The following COL18A1 variants were observed in gnomAD, a reference collection of about 807,000 sequenced individuals.
COL18A1 encodes the protein collagen alpha-1(XVIII) chain.
In COL18A1, 133 loss-of-function variants were observed where a neutral mutation model predicts 168.0. The ratio of observed to expected loss-of-function variants is 0.79; its 90% CI spans 0.69 to 0.91. The LOEUF is 0.91. Ranked by LOEUF, COL18A1 falls within the 40% of genes least tolerant of loss-of-function variation. The probability of loss-of-function intolerance (pLI) is 0.00; values close to 1 mark genes in which losing one functional copy is unlikely to be tolerated. For synonymous variants in COL18A1, 949 were observed against 809.0 expected (o/e 1.17, Z -2.94); for missense variants, 2,126 against 1,925.4 (o/e 1.10, Z -1.95).
chr21:45,458,026 C>T (rs964091420), intron 2 of COL18A1, among the ~76,000 whole-genome samples: 2 of 151,280 alleles, frequency 1.3e-5, no homozygotes, highest in Non-Finnish European at 2.9e-5. Context: ...GGCCGGGGGG[C>T]CACAGACAGG....
Position 45,431,318 on chromosome 21 carries a change from T to C in COL18A1, c.106+25845T>C, listed in dbSNP as rs534336661. On this transcript the variant is annotated intron_variant, in intron 2 of 41. Transcript: ENST00000651438. The stretch of plus-strand genomic sequence containing the variant: ...TGCTGTGTGCAGGGCCAGTGCTGGC[T>C]GCAGAGACAGCGGAGCGTGTGTGGA... 3.7e-3 allele frequency among the ~76,000 whole-genome samples: 540 copies of C among 144,390 alleles called. 4 individuals carry two copies. The highest frequency in any genetic ancestry group is 0.014 in the African/African-American group (512 of 37,784). 94.7% of individuals were successfully genotyped at this position (144,390 alleles called of 152,430 possible). A position where few individuals can be genotyped will look rare whatever the true frequency, so the allele number is the denominator to read the frequency against.
chr21:45,436,105 C>T (rs970984525), intron 2 of COL18A1, among the ~76,000 whole-genome samples: 2 of 152,202 alleles, frequency 1.3e-5, no homozygotes, highest in Admixed American at 6.5e-5. Context: ...AGACAGTATC[C>T]TCTGTGAGCA....
Position 45,504,059 on chromosome 21 carries a change from G to C in COL18A1, c.2727+5G>C. ...CAGTTGGAGGCTGAAATGAAGGTGGGTGACCTCCCTGTGGGGTTGGGGGCC... is the reference window on the plus strand; with the variant it reads ...CAGTTGGAGGCTGAAATGAAGGTGGCTGACCTCCCTGTGGGGTTGGGGGCC... On this transcript the variant is annotated splice_donor_5th_base_variant and intron_variant, in intron 33 of 41. Transcript: ENST00000651438. 1 of 1,613,606 alleles carries C rather than the reference G, an allele frequency of 6.2e-7. No homozygotes were observed. The highest frequency in any genetic ancestry group is 2.2e-5 in the East Asian group (1 of 44,864).
At chr21:45,437,386 ACT>A (rs146821801) in intron 2 of COL18A1, among the ~76,000 whole-genome samples, 2,324 of 107,140 alleles carry the variant, frequency 0.022, 119 homozygotes, top group Non-Finnish European at 0.034. Context: ...ACACACAGGC[ACT>A]CTCCTGCACA....
rs114894498 is a variant in COL18A1, at chr21:45,452,161, G to A, written c.107-16081G>A. Among the ~76,000 whole-genome samples, 541 of 152,372 alleles carry A rather than the reference G, an allele frequency of 3.6e-3. 2 individuals carry two copies. Among genetic ancestry groups the A allele is most frequent in the African/African-American group, 0.012 (518 of 41,592 alleles). ...TCTGGGCACCCAGATCCTGGAACGAGCCACAGTCGGGCCCTTTACACAGAG... is the reference window on the plus strand; with the variant it reads ...TCTGGGCACCCAGATCCTGGAACGAACCACAGTCGGGCCCTTTACACAGAG... On this transcript the variant is annotated intron_variant, in intron 2 of 41. Coordinates refer to ENST00000651438, the MANE Select transcript of COL18A1 (RefSeq NM_001379500.1).
intron 2 of COL18A1, chr21:45,456,300 T>TC: frequency 6.4e-7 from 1 of 1,557,172 alleles, no homozygotes; most frequent in Non-Finnish European, 8.7e-7. Flanking sequence ...CGCCCTGACG[T>TC]CCGCCTGCGC....
At chr21:45,508,529 G>A (rs551959195) in intron 38 of COL18A1, among the ~76,000 whole-genome samples, 44 of 152,184 alleles carry the variant, frequency 2.9e-4, no homozygotes, top group Non-Finnish European at 4.7e-4. Context: ...TGGATGGGTG[G>A]GTGGATGGAT....
In COL18A1 at chr21:45,451,125, G is replaced by A. The variant is rs540338932; in HGVS notation, c.107-17117G>A. Among the ~76,000 whole-genome samples, 11 of 152,376 alleles carry A rather than the reference G, an allele frequency of 7.2e-5. No individual in the cohort carries two copies. The South Asian group carries it at 2.1e-3, about 29-fold the overall frequency. On this transcript the variant is annotated intron_variant, in intron 2 of 41. Transcript: ENST00000651438. Reference sequence around the variant, plus strand: ...CCTCAGGCTCCTCAGGAGCGGGCAGGTCATGATAACAAGAGTGGCTGCGTG... The same window carrying A: ...CCTCAGGCTCCTCAGGAGCGGGCAGATCATGATAACAAGAGTGGCTGCGTG...
Position 45,468,477 on chromosome 21 carries a change from G to C in COL18A1, c.342G>C (p.Ser114=). Residue 114 remains serine, a synonymous_variant, in exon 3 of 42, where the codon TCG becomes TCC. Coordinates refer to ENST00000651438, the MANE Select transcript of COL18A1 (RefSeq NM_001379500.1). Reference sequence around the variant, plus strand: ...GGGTGCTGTTCGCCATCACGGACTCGGCGCAGGCCATGGTCTTGCTGGGCG... The same window carrying C: ...GGGTGCTGTTCGCCATCACGGACTCCGCGCAGGCCATGGTCTTGCTGGGCG... ...GPGVLFAITD[S]AQAMVLLGVK... is the part of the protein sequence containing the mutation. 1 of 1,614,052 alleles carries C rather than the reference G, an allele frequency of 6.2e-7. No individual in the cohort carries two copies. The highest frequency in any genetic ancestry group is 8.5e-7 in the Non-Finnish European group (1 of 1,180,038).
At position 45,489,557 on chromosome 21, in the gene COL18A1, G is replaced by A. The variant is rs767306879; in HGVS notation, c.1959+36G>A. On this transcript the variant is annotated intron_variant, in intron 19 of 41. Transcript: ENST00000651438. Reference sequence around the variant, plus strand: ...TGCCCGGGTTCAGGGACGTGGCCAGGCAGAGGCAGGGAGGGCCCAGCCGGA... The same window carrying A: ...TGCCCGGGTTCAGGGACGTGGCCAGACAGAGGCAGGGAGGGCCCAGCCGGA... The A allele has an allele frequency of 1.5e-5, 23 of 1,516,900 alleles. No homozygotes were observed. In the East Asian group the frequency reaches 4.7e-4, roughly 31 times the overall value. 94.0% of individuals were successfully genotyped at this position (1,516,900 alleles called of 1,614,324 possible).
At chr21:45,476,671 A>G (rs1024959929) in intron 6 of COL18A1, among the ~76,000 whole-genome samples, 191 bp downstream of exon 6, 7 of 147,472 alleles carry the variant, frequency 4.7e-5, no homozygotes, top group African/African-American at 1.8e-4. Context: ...GTGGTGTGTG[A>G]TGTGCATGTT....
chr21:45,507,077 C>T (rs1350869709), intron 37 of COL18A1: 4 of 341,404 alleles, frequency 1.2e-5, no homozygotes, highest in South Asian at 7.7e-5. Context: ...GGGCTGGGTG[C>T]TGGGCAGGGA....
At chr21:45,472,517 C>T (rs2145904469) in intron 3 of COL18A1, among the ~76,000 whole-genome samples, 1 of 152,312 alleles carries the variant, frequency 6.6e-6, no homozygotes, top group East Asian at 1.9e-4. Context: ...GGCCGAAGCG[C>T]AGTTTTCTAG....
intron 29 of COL18A1, 44 bp from the exon 30 acceptor site, chr21:45,496,456 G>C (rs2036546569): frequency 1.2e-6 from 1 of 866,650 alleles, no homozygotes; most frequent in African/African-American, 1.6e-5. Context: ...GCTGCTGCCT[G>C]ACAGGCAGGC....
In COL18A1 at chr21:45,505,451, G is replaced by C. The variant is rs773769675; in HGVS notation, c.3087+20G>C. ...TCAGGGGTAAGTGTCTGGGCAGCCG[G>C]CTGGGCACCTGCGTCCCGTGCCCTG... is the stretch of plus-strand genomic sequence containing the variant. On this transcript the variant is annotated intron_variant, in intron 36 of 41. Coordinates refer to ENST00000651438, the MANE Select transcript of COL18A1 (RefSeq NM_001379500.1). The C allele has an allele frequency of 7.2e-7, 1 of 1,391,312 alleles. No homozygotes were observed. Among genetic ancestry groups the C allele is most frequent in the Non-Finnish European group, 1.0e-6 (1 of 997,288 alleles). 86.2% of individuals were successfully genotyped at this position (1,391,312 alleles called of 1,614,324 possible).
At position 45,494,358 on chromosome 21, in the gene COL18A1, C is replaced by T. The variant is rs1008218072; in HGVS notation, c.2353-187C>T. The T allele has an allele frequency of 2.6e-4, 204 of 779,442 alleles. 3 individuals carry two copies. In the South Asian group the frequency reaches 3.1e-3, roughly 12 times the overall value. 48.3% of individuals were successfully genotyped at this position (779,442 alleles called of 1,614,324 possible). A position where few individuals can be genotyped will look rare whatever the true frequency, so the allele number is the denominator to read the frequency against. On this transcript the variant is annotated intron_variant, in intron 26 of 41. Transcript: ENST00000651438. ...TCCCCTCACCAGTGGCTCCTGTCCT[C>T]CCCAGGGCTGCCTGCGCCTTGGGGA...
Position 45,493,220 on chromosome 21 carries a change from C to T in COL18A1, c.2272C>T (p.Pro758Ser), listed in dbSNP as rs2145993816. 7 of 1,558,356 alleles carry T rather than the reference C, an allele frequency of 4.5e-6. No individual in the cohort carries two copies. The highest frequency in any genetic ancestry group is 6.1e-6 in the Non-Finnish European group (7 of 1,151,010). ...TAAGGGCGAACGAGGCTCCCCGGGACCCAAGGTAAGGGGCTCAGGTGCTGT... is the reference window on the plus strand; with the variant it reads ...TAAGGGCGAACGAGGCTCCCCGGGATCCAAGGTAAGGGGCTCAGGTGCTGT... ...GSKGERGSPGPKGEKGEPGSI... is the reference protein window; with the variant it reads ...GSKGERGSPGSKGEKGEPGSI... Residue 758 changes from proline (P) to serine (S), a missense_variant, in exon 25 of 42, where the codon CCC becomes TCC. Transcript: ENST00000651438.
In COL18A1 at chr21:45,468,512, CTG is replaced by C. The variant is rs2035298382; in HGVS notation, c.378_379del (p.Val128AlafsTer53). 6.2e-7 allele frequency: 1 copy of C among 1,613,638 alleles called. No homozygotes were observed. Among genetic ancestry groups the C allele is most frequent in the Non-Finnish European group, 8.5e-7 (1 of 1,179,986 alleles). ...ATGGTCTTGCTGGGCGTGAAGCTCT[CTG>C]GGGTGCAGGACGGGCACCAGGACAT... On this transcript the variant is annotated frameshift_variant, in exon 3 of 42. Coordinates refer to ENST00000651438, the MANE Select transcript of COL18A1 (RefSeq NM_001379500.1). LOFTEE classifies it high-confidence loss of function.
chr21:45,427,351 C>G (rs117627310), intron 2 of COL18A1, among the ~76,000 whole-genome samples: 1 of 152,176 alleles, frequency 6.6e-6, no homozygotes, highest in East Asian at 1.9e-4. Flanking sequence ...GGCATTGAAT[C>G]AGGAGGCCAG....
Sources: gnomAD v4.1 joint callset for allele counts (sites outside exome capture counted in the v4.1 genomes callset) on GRCh38, gnomAD v4.1.1 for gene constraint, MANE v1.5 for transcripts, NCBI Gene and HGNC (gene_info 2026-07-23, HGNC 2026-07-21) for gene names.